EYS: variants seen among roughly 807,000 people sequenced by gnomAD.
EYS encodes protein eyes shut homolog.
EYS carries 250 observed loss-of-function variants against 282.1 expected under a neutral mutation model. The observed-to-expected ratio is 0.89, with a 90% CI of 0.80 to 0.98. The LOEUF (loss-of-function observed/expected upper bound fraction) is 0.98, where lower values mean the gene tolerates loss of function less well. Ranked by LOEUF, EYS falls within the 50% of genes least tolerant of loss-of-function variation. EYS has a pLI of 0.00. For synonymous variants in EYS, 1,355 were observed against 1,282.9 expected (o/e 1.06, Z -1.20); for missense variants, 4,016 against 3,709.0 (o/e 1.08, Z -2.15).
In EYS at chr6:65,567,917, T is replaced by G. The variant is rs528152314; in HGVS notation, c.-333+71861A>C. Among the ~76,000 whole-genome samples, 57 of 152,240 alleles carry G rather than the reference T, an allele frequency of 3.7e-4. 4 individuals carry two copies. The South Asian group carries it at 0.011, about 30-fold the overall frequency. On this transcript the variant is annotated intron_variant, in intron 2 of 42. Coordinates refer to ENST00000503581, the MANE Select transcript of EYS (RefSeq NM_001142800.2). The stretch of plus-strand genomic sequence containing the variant: ...AAAACAATACCCCAAAATATGACAT[T>G]TTGACATGCTGAACTGAAGATGAAG...
chr6:64,276,637 A>G (rs1768124828), intron 30 of EYS, among the ~76,000 whole-genome samples: 1 of 152,186 alleles, frequency 6.6e-6, no homozygotes, highest in Non-Finnish European at 1.5e-5. Flanking sequence ...TAGACATGTA[A>G]CAAGGCTTTC....
intron 42 of EYS, among the ~76,000 whole-genome samples, chr6:63,723,788 CATT>C (rs57873412): frequency 0.3 from 41,277 of 137,868 alleles, 6,630 homozygotes; most frequent in Middle Eastern, 0.4. Context: ...TACACATTGG[CATT>C]ATTATTATTA....
intron 22 of EYS, among the ~76,000 whole-genome samples, chr6:64,711,090 C>T (rs1312706903): frequency 1.3e-5 from 2 of 152,130 alleles, no homozygotes; most frequent in South Asian, 2.1e-4. Flanking sequence ...CTTGACAAGA[C>T]ATGAATTAGG....
In EYS at chr6:64,154,464, A is replaced by ATT. The variant is rs1318478083; in HGVS notation, c.6425-72463_6425-72462insAA. ...TCAAAAAAAAAAAAAAAAAAAAAAA[A>ATT]TGCCTCACAGGGAGTTTCAACTTTG... On this transcript the variant is annotated intron_variant, in intron 31 of 42. Coordinates refer to ENST00000503581, the MANE Select transcript of EYS (RefSeq NM_001142800.2). 2.8e-3 allele frequency among the ~76,000 whole-genome samples: 412 copies of ATT among 148,810 alleles called. 2 individuals carry two copies. The highest frequency in any genetic ancestry group is 9.8e-3 in the African/African-American group (393 of 40,260).
chr6:64,221,241 C>G (rs1766092113), intron 31 of EYS, among the ~76,000 whole-genome samples: 1 of 152,264 alleles, frequency 6.6e-6, no homozygotes, highest in Admixed American at 6.5e-5. Context: ...GTGTTGGAAA[C>G]TTACTCCTCA....
chr6:65,131,374 G>C (rs1369945775), intron 12 of EYS, among the ~76,000 whole-genome samples: 1 of 151,566 alleles, frequency 6.6e-6, no homozygotes, highest in Non-Finnish European at 1.5e-5. Context: ...TCATACCAAA[G>C]ACAATCTCAG....
At chr6:64,686,803 A>ATG (rs372517498) in intron 22 of EYS, among the ~76,000 whole-genome samples, 58 of 47,758 alleles carry the variant, frequency 1.2e-3, no homozygotes, top group African/African-American at 3.5e-3. Context: ...GTATATATAT[A>ATG]TGTGTGTATA....
rs368606147 is a variant in EYS at position 65,059,941 on chromosome 6, C to A, written c.2024-2214G>T. Among the ~76,000 whole-genome samples the A allele has an allele frequency of 3.1e-3, 471 of 152,132 alleles. 2 individuals carry two copies. The highest frequency in any genetic ancestry group is 0.011 in the African/African-American group (446 of 41,538). ...TGGAGAAACATGGGTCACATTCCTG[C>A]ACACAGGGGAATCAATCACCCTGTC... On this transcript the variant is annotated intron_variant, in intron 12 of 42. Coordinates refer to ENST00000503581, the MANE Select transcript of EYS (RefSeq NM_001142800.2).
rs145971861 is a variant in EYS at position 64,279,571 on chromosome 6, G to A, written c.6191+27399C>T. 3.1e-3 allele frequency among the ~76,000 whole-genome samples: 465 copies of A among 152,202 alleles called. 4 individuals are homozygous for A. The highest frequency in any genetic ancestry group is 0.011 in the African/African-American group (442 of 41,530). On this transcript the variant is annotated intron_variant, in intron 30 of 42. Coordinates refer to ENST00000503581, the MANE Select transcript of EYS (RefSeq NM_001142800.2). ...CATGGCTCTCAGCTTCATTTCCTACGTCTTGGAAGTATCTGACTTCCAGAT... is the reference window on the plus strand; with the variant it reads ...CATGGCTCTCAGCTTCATTTCCTACATCTTGGAAGTATCTGACTTCCAGAT...
intron 29 of EYS, among the ~76,000 whole-genome samples, chr6:64,361,692 T>A (rs570127746): frequency 6.6e-6 from 1 of 151,568 alleles, no homozygotes; most frequent in Non-Finnish European, 1.5e-5. Context: ...ACAATTGCAT[T>A]TTTTTTCTTC....
At chr6:64,650,583 A>T (rs1768522076) in intron 22 of EYS, among the ~76,000 whole-genome samples, 1 of 149,406 alleles carries the variant, frequency 6.7e-6, no homozygotes, top group Admixed American at 6.7e-5. Flanking sequence ...TTTCAAAGAA[A>T]ATATAAACTT....
At chr6:63,982,186 T>C (rs1202569576) in intron 35 of EYS, among the ~76,000 whole-genome samples, 1 of 151,844 alleles carries the variant, frequency 6.6e-6, no homozygotes, top group Non-Finnish European at 1.5e-5. Flanking sequence ...GTTAGACACT[T>C]TTCCAGGAAA....
chr6:65,251,985 T>C (rs886199906), intron 12 of EYS, among the ~76,000 whole-genome samples: 1 of 151,988 alleles, frequency 6.6e-6, no homozygotes, highest in Non-Finnish European at 1.5e-5. Context: ...GTAGTCAAAA[T>C]TATGAGGGAG....
chr6:64,388,294 T>C (rs1352152697), intron 29 of EYS, among the ~76,000 whole-genome samples: 1 of 152,168 alleles, frequency 6.6e-6, no homozygotes, highest in Non-Finnish European at 1.5e-5. Context: ...AAACACAGAC[T>C]GGGGATGGTC....
In EYS at chr6:64,636,623, C is replaced by A. The variant is rs9452259; in HGVS notation, c.3444-10378G>T. Among the ~76,000 whole-genome samples, 2 of 152,004 alleles carry A rather than the reference C, an allele frequency of 1.3e-5. 1 individual carries two copies. Among genetic ancestry groups the A allele is most frequent in the South Asian group, 4.2e-4 (2 of 4,810 alleles). On this transcript the variant is annotated intron_variant, in intron 22 of 42. Coordinates refer to ENST00000503581, the MANE Select transcript of EYS (RefSeq NM_001142800.2). ...ATTAAACTAAAGAGCTTCTGCACAGCAAAAGAAACTACCATCAGAGTGAAC... is the reference window on the plus strand; with the variant it reads ...ATTAAACTAAAGAGCTTCTGCACAGAAAAAGAAACTACCATCAGAGTGAAC...
At position 65,527,288 on chromosome 6, in the gene EYS, G is replaced by A. The variant is rs552306311; in HGVS notation, c.-332-31295C>T. Among the ~76,000 whole-genome samples the A allele has an allele frequency of 2.0e-5, 3 of 152,268 alleles. No homozygotes were observed. The East Asian group carries it at 5.8e-4, about 29-fold the overall frequency. On this transcript the variant is annotated intron_variant, in intron 2 of 42. Coordinates refer to ENST00000503581, the MANE Select transcript of EYS (RefSeq NM_001142800.2). ...AACTCACACTATATTCACAAAAGGAGTTTCCTTATGACTAATTAATGGTAG... is the reference window on the plus strand; with the variant it reads ...AACTCACACTATATTCACAAAAGGAATTTCCTTATGACTAATTAATGGTAG...
At chr6:64,768,349 T>C (rs1375529089) in intron 22 of EYS, among the ~76,000 whole-genome samples, 2 of 152,148 alleles carry the variant, frequency 1.3e-5, no homozygotes, top group Admixed American at 1.3e-4. Context: ...ATTTTTAATG[T>C]TGCCTTCATG....
chr6:64,035,805 C>A lies in EYS; in HGVS notation c.6725+30533G>T, dbSNP rs142820237. Among the ~76,000 whole-genome samples the A allele has an allele frequency of 2.5e-3, 374 of 152,146 alleles. 2 individuals are homozygous for A. Among genetic ancestry groups the A allele is most frequent in the African/African-American group, 8.6e-3 (358 of 41,510 alleles). On this transcript the variant is annotated intron_variant, in intron 33 of 42. Transcript: ENST00000503581. ...CTTTAAAAATTTTTAATTTTTATCT[C>A]TTTAAATTCTATTACTTTTAACCTT...
chr6:63,804,987 A>G (rs1355046279), intron 37 of EYS, among the ~76,000 whole-genome samples: 2 of 152,172 alleles, frequency 1.3e-5, no homozygotes, highest in Non-Finnish European at 2.9e-5. Flanking sequence ...GGGAGTCTGA[A>G]ATACCACATT....
Sources: allele counts gnomAD v4.1 joint callset (sites outside exome capture counted in the v4.1 genomes callset), GRCh38; gene constraint gnomAD v4.1.1; transcripts MANE v1.5; gene names NCBI Gene and HGNC (gene_info 2026-07-23, HGNC 2026-07-21).